The following SCMH1 variants were observed in gnomAD, a reference collection of about 807,000 sequenced individuals.
The protein encoded by SCMH1 is Scm polycomb group protein homolog 1.
SCMH1 carries 37 observed loss-of-function variants against 70.8 expected under a neutral mutation model. The observed-to-expected ratio is 0.52, with a 90% CI of 0.40 to 0.69. SCMH1 has a LOEUF of 0.69. Ranked by LOEUF, SCMH1 falls within the 30% of genes least tolerant of loss-of-function variation. SCMH1 has a pLI of 0.00. For missense variants in SCMH1, 607 were observed against 827.3 expected, an observed-to-expected ratio of 0.73 and a Z score of 3.27; for synonymous variants, 292 against 307.4, an observed-to-expected ratio of 0.95 and a Z score of 0.52.
At chr1:41,062,473 G>T (rs748308206) in intron 10 of SCMH1, among the ~76,000 whole-genome samples, 1 of 151,936 alleles carries the variant, frequency 6.6e-6, no homozygotes, top group Non-Finnish European at 1.5e-5. Flanking sequence ...TGGGTGCCTT[G>T]GCTCACACCT....
chr1:41,242,149 G>T, upstream of SCMH1: 1 of 149,266 alleles, frequency 6.7e-6, no homozygotes, highest in South Asian at 1.8e-4. The surrounding 1 kb of genome is among the most constrained non-coding windows in gnomAD (Gnocchi z 5.2). Context: ...GCGGGAAGGG[G>T]GCGGGCGGGC....
At chr1:41,061,213 T>C (rs1652520257) in intron 10 of SCMH1, among the ~76,000 whole-genome samples, 1 of 152,202 alleles carries the variant, frequency 6.6e-6, no homozygotes, top group African/African-American at 2.4e-5. Flanking sequence ...TTTGTAAAGC[T>C]AATGAAAGAT....
At chr1:41,184,402 C>A (rs1019606405) in intron 2 of SCMH1, among the ~76,000 whole-genome samples, 2 of 152,110 alleles carry the variant, frequency 1.3e-5, no homozygotes, top group African/African-American at 4.8e-5. Context: ...GGGAGTAAAT[C>A]TGACAATTAA....
chr1:41,210,326 AT>A (rs1411992803), intron 1 of SCMH1, among the ~76,000 whole-genome samples: 1 of 152,196 alleles, frequency 6.6e-6, no homozygotes, highest in Non-Finnish European at 1.5e-5. Context: ...CAAGCTACCA[AT>A]GACTTTCTTT....
intron 8 of SCMH1, among the ~76,000 whole-genome samples, 174 bp from the exon 9 acceptor site, chr1:41,075,625 G>A (rs1553229473): frequency 6.6e-6 from 1 of 152,148 alleles, no homozygotes; most frequent in Non-Finnish European, 1.5e-5. Context: ...ATTTAGATTG[G>A]CTGGAATTGG....
rs55857492 is a variant in SCMH1, at chr1:41,141,113, T to G, written c.412+1765A>C. Among the ~76,000 whole-genome samples the G allele has an allele frequency of 6.7e-3, 1,017 of 152,180 alleles. 15 individuals are homozygous for G. The highest frequency in any genetic ancestry group is 0.024 in the African/African-American group (979 of 41,572). ...TGAACTATATCTCAAAATAACTAAA[T>G]AGTTGATGAAAGTTTATGTTAACAG... On this transcript the variant is annotated intron_variant, in intron 6 of 14. Coordinates refer to ENST00000337495, the Ensembl canonical transcript of SCMH1.
chr1:41,165,973 T>C (rs1336603054), intron 2 of SCMH1, among the ~76,000 whole-genome samples: 2 of 152,108 alleles, frequency 1.3e-5, no homozygotes, highest in African/African-American at 4.8e-5. Context: ...AGCAGTTTTA[T>C]AGTTTCAGTT....
chr1:41,122,586 T>G (rs900942889), intron 6 of SCMH1, among the ~76,000 whole-genome samples: 2 of 152,196 alleles, frequency 1.3e-5, no homozygotes, highest in African/African-American at 4.8e-5. Flanking sequence ...AACGCTTTAT[T>G]ATGTTATTCC....
intron 11 of SCMH1, among the ~76,000 whole-genome samples, 189 bp downstream of exon 11, chr1:41,048,501 C>T (rs1647113545): frequency 6.6e-6 from 1 of 152,082 alleles, no homozygotes; most frequent in Non-Finnish European, 1.5e-5. Flanking sequence ...TGTGGGTATT[C>T]TCCTTGGCAG....
At chr1:41,186,886 T>C (rs1384130273) in intron 1 of SCMH1, among the ~76,000 whole-genome samples, 2 of 152,086 alleles carry the variant, frequency 1.3e-5, no homozygotes, top group African/African-American at 2.4e-5. Context: ...CCCCAGAACT[T>C]TGAGGATATA....
intron 8 of SCMH1, among the ~76,000 whole-genome samples, chr1:41,089,965 T>C (rs1357905952): frequency 2.6e-5 from 4 of 151,642 alleles, no homozygotes; most frequent in African/African-American, 9.7e-5. Context: ...CTAATTTTTG[T>C]ATTTTTAGTA....
intron 1 of SCMH1, among the ~76,000 whole-genome samples, chr1:41,218,592 A>G (rs1658585784): frequency 1.3e-5 from 2 of 152,196 alleles, no homozygotes; most frequent in Non-Finnish European, 1.5e-5. Context: ...CTGAGAGAAT[A>G]AATTTCTGTT....
At chr1:41,142,982 T>C in exon 6 of SCMH1, 1 of 1,614,146 alleles carries the variant, frequency 6.2e-7, no homozygotes, top group Non-Finnish European at 8.5e-7. Context: ...GTCGCTCCCA[T>C]CAAGGCGCAG....
chr1:41,231,450 C>T (rs1188231481), intron 1 of SCMH1, among the ~76,000 whole-genome samples: 3 of 152,248 alleles, frequency 2.0e-5, no homozygotes, highest in Non-Finnish European at 2.9e-5. Context: ...CTGCAGATAG[C>T]TCCCATATAC....
intron 12 of SCMH1, chr1:41,041,437 T>C (rs111398692): frequency 7.7e-6 from 1 of 129,102 alleles, no homozygotes; most frequent in African/African-American, 2.5e-5. Flanking sequence ...GCAACTATTA[T>C]AATTATAACA....
At chr1:41,219,766 A>G (rs987581733) in intron 1 of SCMH1, among the ~76,000 whole-genome samples, 8 of 152,078 alleles carry the variant, frequency 5.3e-5, no homozygotes, top group African/African-American at 1.9e-4. Context: ...CGTCCCTACT[A>G]AAAATATGAA....
At chr1:41,090,060 G>T (rs1311684496) in intron 8 of SCMH1, among the ~76,000 whole-genome samples, 1 of 151,864 alleles carries the variant, frequency 6.6e-6, no homozygotes, top group African/African-American at 2.4e-5. Flanking sequence ...CCAAAGTGCT[G>T]GGATTACAGG....
chr1:41,030,889 C>T (rs1399230198), intron 13 of SCMH1, among the ~76,000 whole-genome samples: 1 of 152,212 alleles, frequency 6.6e-6, no homozygotes, highest in African/African-American at 2.4e-5. Context: ...TTCTTTCTCT[C>T]CAACCAGACT....
chr1:41,075,063 C>T (rs1304032144), intron 9 of SCMH1, among the ~76,000 whole-genome samples, 156 bp downstream of exon 9: 6 of 152,144 alleles, frequency 3.9e-5, no homozygotes, highest in African/African-American at 1.4e-4. Context: ...GGGGTTTCAT[C>T]GTGTTAGCCA....
Sources: allele counts gnomAD v4.1 joint callset (sites outside exome capture counted in the v4.1 genomes callset), GRCh38; gene constraint gnomAD v4.1.1; non-coding constraint Gnocchi (gnomAD v3.1); transcripts MANE v1.5; gene names NCBI Gene and HGNC (gene_info 2026-07-23, HGNC 2026-07-21).